The following SMOC1 variants were observed in gnomAD, a reference collection of about 807,000 sequenced individuals.
SMOC1 encodes the protein SPARC-related modular calcium-binding protein 1.
SMOC1 carries 22 observed loss-of-function variants against 56.3 expected under a neutral mutation model. The observed-to-expected ratio is 0.39, with a 90% CI of 0.28 to 0.56. The LOEUF is 0.56. Ranked by LOEUF, SMOC1 falls within the 20% of genes least tolerant of loss-of-function variation. The probability of loss-of-function intolerance (pLI) is 0.61; values close to 1 mark genes in which losing one functional copy is unlikely to be tolerated. For missense variants in SMOC1, 509 were observed against 565.4 expected, an observed-to-expected ratio of 0.90 and a Z score of 1.01; for synonymous variants, 193 against 215.0, an observed-to-expected ratio of 0.90 and a Z score of 0.89.
intron 1 of SMOC1, among the ~76,000 whole-genome samples, chr14:69,911,570 T>C (rs1287170886): frequency 1.3e-5 from 2 of 152,220 alleles, no homozygotes; most frequent in African/African-American, 4.8e-5. Flanking sequence ...TCTCTAGAGT[T>C]TCACCTTTTC....
At chr14:69,904,495 A>G (rs1316947503) in intron 1 of SMOC1, among the ~76,000 whole-genome samples, 1 of 152,216 alleles carries the variant, frequency 6.6e-6, no homozygotes, top group Non-Finnish European at 1.5e-5. Flanking sequence ...ATCCTTCTCT[A>G]CTGGTCACTT....
rs147001197 is a variant in SMOC1, at chr14:69,980,203, G to A, written c.526+2238G>A. Among the ~76,000 whole-genome samples the A allele has an allele frequency of 1.0e-3, 158 of 152,254 alleles. 1 individual carries two copies. Among genetic ancestry groups the A allele is most frequent in the African/African-American group, 3.6e-3 (150 of 41,542 alleles). ...CTTCCAGAGCCAAAAGAGGGTAGAG[G>A]AGCCTGGTTCCTCCAGGGGCGATGC... is the stretch of plus-strand genomic sequence containing the variant. On this transcript the variant is annotated intron_variant, in intron 5 of 11. Transcript: ENST00000361956.
rs565219344 is a variant in SMOC1, at chr14:69,952,202, T to C, written c.164T>C (p.Ile55Thr). 4.3e-6 allele frequency: 7 copies of C among 1,614,142 alleles called. No homozygotes were observed. The highest frequency in any genetic ancestry group is 1.3e-5 in the African/African-American group (1 of 75,030). ...TGCTCCAGGACTCAACCCAAACCCATCTGTGCCTCTGATGGCAGGTCCTAC... is the reference window on the plus strand; with the variant it reads ...TGCTCCAGGACTCAACCCAAACCCACCTGTGCCTCTGATGGCAGGTCCTAC... ...LHCSRTQPKP[I>T]CASDGRSYES... Residue 55 changes from isoleucine to threonine, a missense_variant, in exon 2 of 12, where the codon ATC (isoleucine) becomes ACC (threonine). Physicochemically the swap from Ile to Thr is moderately conservative, Grantham distance 89. Coordinates refer to ENST00000361956, the MANE Select transcript of SMOC1 (RefSeq NM_001034852.3).
intron 3 of SMOC1, among the ~76,000 whole-genome samples, chr14:69,967,219 C>T (rs1367127631): frequency 1.3e-5 from 2 of 152,222 alleles, no homozygotes; most frequent in Non-Finnish European, 2.9e-5. Context: ...CCTGCATCTC[C>T]TCTTAAATTC....
At chr14:69,893,808 G>A (rs12100496) in intron 1 of SMOC1, among the ~76,000 whole-genome samples, 31,911 of 152,110 alleles carry the variant, frequency 0.21, 6,192 homozygotes, top group African/African-American at 0.51. Context: ...GACCCAGAAT[G>A]TGATTGTATT....
At chr14:70,026,702 T>TGGCCAGAAAGCCC (rs1322871901) in intron 11 of SMOC1, among the ~76,000 whole-genome samples, 1 of 152,186 alleles carries the variant, frequency 6.6e-6, no homozygotes, top group Non-Finnish European at 1.5e-5. Flanking sequence ...ATGGAAAGTC[T>TGGCCAGAAAGCCC]GGCCAGAAAG....
intron 11 of SMOC1, 101 bp from the exon 12 acceptor site, chr14:70,030,141 T>G: frequency 6.4e-7 from 1 of 1,556,014 alleles, no homozygotes; most frequent in East Asian, 2.2e-5. Context: ...GGGAAATTGA[T>G]GGACATAGCT....
At chr14:70,003,826 T>C (rs1174245572) in intron 7 of SMOC1, among the ~76,000 whole-genome samples, 1 of 152,146 alleles carries the variant, frequency 6.6e-6, no homozygotes, top group Admixed American at 6.5e-5. Flanking sequence ...AAAGATCTCA[T>C]GGTTTATTCT....
At chr14:69,973,146 G>A (rs930013519) in intron 3 of SMOC1, among the ~76,000 whole-genome samples, 6 of 152,226 alleles carry the variant, frequency 3.9e-5, no homozygotes, top group African/African-American at 1.4e-4. Context: ...CCTCTAGGGT[G>A]GATGGAGTCT....
chr14:69,976,691 C>T (rs1009567303), intron 4 of SMOC1, among the ~76,000 whole-genome samples: 1 of 152,176 alleles, frequency 6.6e-6, no homozygotes, highest in Non-Finnish European at 1.5e-5. Context: ...TGTGGCTCAG[C>T]TCTCTCAAAA....
intron 1 of SMOC1, among the ~76,000 whole-genome samples, chr14:69,891,761 C>T (rs1277371366): frequency 2.0e-5 from 3 of 152,108 alleles, no homozygotes; most frequent in African/African-American, 4.8e-5. Flanking sequence ...TATTCACCGT[C>T]GGTTTAAGAT....
chr14:69,995,548 C>T (rs977413664), intron 7 of SMOC1, among the ~76,000 whole-genome samples: 6 of 152,168 alleles, frequency 3.9e-5, no homozygotes, highest in African/African-American at 1.4e-4. Flanking sequence ...AAAGCACAGG[C>T]TTTGGAATTA....
intron 3 of SMOC1, among the ~76,000 whole-genome samples, chr14:69,963,814 C>T (rs1883470492): frequency 6.6e-6 from 1 of 152,092 alleles, no homozygotes; most frequent in East Asian, 1.9e-4. Context: ...AGGGTCTGAC[C>T]CATTCATGTG....
chr14:69,956,596 TA>T (rs1213361542), intron 3 of SMOC1, among the ~76,000 whole-genome samples: 1 of 152,072 alleles, frequency 6.6e-6, no homozygotes, highest in Admixed American at 6.6e-5. Context: ...TCTTGAAGTT[TA>T]TGGGGGGAGT....
intron 3 of SMOC1, among the ~76,000 whole-genome samples, chr14:69,958,065 C>T (rs1395750708): frequency 1.3e-5 from 2 of 152,102 alleles, no homozygotes; most frequent in Non-Finnish European, 2.9e-5. Context: ...AAAATATATA[C>T]AAATTTTAAA....
In SMOC1 at chr14:70,000,205, C is replaced by T. The variant is rs556412254; in HGVS notation, c.664+5725C>T. On this transcript the variant is annotated intron_variant, in intron 7 of 11. Coordinates refer to ENST00000361956, the MANE Select transcript of SMOC1 (RefSeq NM_001034852.3). Reference sequence around the variant, plus strand: ...CATAAACACACTCACACAGGCAACACTCATGTTTTGGGGAGTAAAGAGTGA... The same window carrying T: ...CATAAACACACTCACACAGGCAACATTCATGTTTTGGGGAGTAAAGAGTGA... Among the ~76,000 whole-genome samples, 5 of 152,294 alleles carry T rather than the reference C, an allele frequency of 3.3e-5. No homozygotes were observed. In the East Asian group the frequency reaches 7.7e-4, roughly 24 times the overall value.
rs142549558 is a variant in SMOC1 at position 69,906,947 on chromosome 14, G to T, written c.99+27170G>T. Among the ~76,000 whole-genome samples, 896 of 152,322 alleles carry T rather than the reference G, an allele frequency of 5.9e-3. 6 individuals carry two copies. Among genetic ancestry groups the T allele is most frequent in the Middle Eastern group, 0.014 (4 of 294 alleles). On this transcript the variant is annotated intron_variant, in intron 1 of 11. Coordinates refer to ENST00000361956, the MANE Select transcript of SMOC1 (RefSeq NM_001034852.3). The stretch of plus-strand genomic sequence containing the variant: ...GCAAAGTCAAAATTTTTCTTTAAAA[G>T]ATGTTAGAGAGAGATTTGAGAAGAG...
intron 1 of SMOC1, among the ~76,000 whole-genome samples, chr14:69,944,739 G>T (rs756709579): frequency 6.6e-6 from 1 of 152,114 alleles, no homozygotes; most frequent in Non-Finnish European, 1.5e-5. Context: ...CTCAGATACT[G>T]CCCGAGTTAT....
chr14:69,898,875 G>A (rs926929422), intron 1 of SMOC1, among the ~76,000 whole-genome samples: 28 of 152,018 alleles, frequency 1.8e-4, no homozygotes, highest in African/African-American at 6.5e-4. Flanking sequence ...TTGAAAGCCA[G>A]CCATGACGTA....
Sources: gnomAD v4.1 joint callset for allele counts (sites outside exome capture counted in the v4.1 genomes callset) on GRCh38, gnomAD v4.1.1 for gene constraint, MANE v1.5 for transcripts, NCBI Gene and HGNC (gene_info 2026-07-23, HGNC 2026-07-21) for gene names.